The following PODNL1 variants were observed in gnomAD, a reference collection of about 807,000 sequenced individuals.
The protein encoded by PODNL1 is podocan-like protein 1.
Under a neutral mutation model 45.1 loss-of-function variants are expected in PODNL1, and 50 were observed. The observed-to-expected ratio is 1.11, with a 90% CI of 0.88 to 1.40. PODNL1 has a LOEUF of 1.40. Ranked by LOEUF, PODNL1 falls within the 40% of genes most tolerant of loss-of-function variation. The pLI, the probability that PODNL1 is intolerant of heterozygous loss-of-function variation, is 0.00. For synonymous variants in PODNL1, 406 were observed against 372.5 expected, an observed-to-expected ratio of 1.09 and a Z score of -1.04; for missense variants, 788 against 793.3, an observed-to-expected ratio of 0.99 and a Z score of 0.08.
chr19:13,934,362 G>T lies in PODNL1; in HGVS notation c.543C>A (p.Pro181=). 2 of 1,553,358 alleles carry T rather than the reference G, an allele frequency of 1.3e-6. No individual in the cohort carries two copies. Among genetic ancestry groups the T allele is most frequent in the Middle Eastern group, 4.1e-4 (2 of 4,888 alleles). ...NNQLSNAGLP[P]DAFRGSEAIA... is the part of the protein sequence containing the mutation. ...TGGCCTCGGAGCCGCGGAAGGCGTCGGGGGGCAGGCCAGCGTTGCTCAGCT... is the reference window on the plus strand; with the variant it reads ...TGGCCTCGGAGCCGCGGAAGGCGTCTGGGGGCAGGCCAGCGTTGCTCAGCT... The change falls in exon 6 of 10, where the codon CCC becomes CCA. Residue 181 remains proline, a synonymous_variant. Coordinates refer to ENST00000588872, the MANE Select transcript of PODNL1 (RefSeq NM_001370095.3).
Position 13,937,959 on chromosome 19 carries a change from G to T in PODNL1, c.51C>A (p.Val17=). ...GGAAGGCAGCGTCTTCCAAGCCGGCGACGGGCGGGGGCCCCGGCAACAGCA... is the reference window on the plus strand; with the variant it reads ...GGAAGGCAGCGTCTTCCAAGCCGGCTACGGGCGGGGGCCCCGGCAACAGCA... ...LLLLLPGPPP[V]AGLEDAAFPH... The change falls in exon 2 of 10, where the codon GTC becomes GTA. Residue 17 remains valine (V), a synonymous_variant. Coordinates refer to ENST00000588872, the MANE Select transcript of PODNL1 (RefSeq NM_001370095.3). 4 of 1,542,274 alleles carry T rather than the reference G, an allele frequency of 2.6e-6. No homozygotes were observed. Among genetic ancestry groups the T allele is most frequent in the African/African-American group, 1.4e-5 (1 of 73,122 alleles).
At chr19:13,936,150 G>A (rs747284374) in intron 3 of PODNL1, 106 bp from the exon 4 acceptor site, 116 of 1,082,210 alleles carry the variant, frequency 1.1e-4, no homozygotes, top group Middle Eastern at 3.0e-4. Flanking sequence ...ACTGGCAGAG[G>A]CTCCCCAGGC....
chr19:13,939,823 C>T (rs541213106), upstream of PODNL1: 1 of 151,936 alleles, frequency 6.6e-6, no homozygotes, highest in African/African-American at 2.4e-5. Flanking sequence ...AAGTGGAGAT[C>T]ACATCACTGC....
upstream of PODNL1, among the ~76,000 whole-genome samples, chr19:13,941,187 G>A (rs1479222858): frequency 6.6e-6 from 1 of 151,994 alleles, no homozygotes; most frequent in East Asian, 1.9e-4. Context: ...CCAACATGGT[G>A]AAACCCAGTC....
intron 1 of PODNL1, among the ~76,000 whole-genome samples, chr19:13,951,454 G>C (rs1038605369): frequency 2.6e-5 from 4 of 151,934 alleles, no homozygotes; most frequent in African/African-American, 9.7e-5. Flanking sequence ...TGGACAACTT[G>C]GTGAAACTCC....
At chr19:13,945,539 T>G (rs1407078130) in intron 1 of PODNL1, among the ~76,000 whole-genome samples, 1 of 151,088 alleles carries the variant, frequency 6.6e-6, no homozygotes, top group African/African-American at 2.4e-5. Context: ...CAGGCTGGAG[T>G]GCAGTGGCAT....
At chr19:13,939,210 CTT>C (rs1972564243), upstream of PODNL1, among the ~76,000 whole-genome samples, 1 of 152,082 alleles carries the variant, frequency 6.6e-6, no homozygotes, top group African/African-American at 2.4e-5. Context: ...GAGGATCTCT[CTT>C]TTGTTTTTTG....
upstream of PODNL1, among the ~76,000 whole-genome samples, chr19:13,940,933 C>G (rs568184202): frequency 1.6e-4 from 24 of 152,182 alleles, no homozygotes; most frequent in East Asian, 4.6e-3. Context: ...GTAGTCCCAG[C>G]TACCAGGGAG....
intron 1 of PODNL1, among the ~76,000 whole-genome samples, chr19:13,949,052 C>T (rs1216330681): frequency 1.3e-5 from 2 of 151,332 alleles, no homozygotes; most frequent in East Asian, 2.0e-4. Flanking sequence ...CTCTGCCTCC[C>T]GGGTTCAAGC....
rs745915237 is a variant in PODNL1, at chr19:13,938,164, C to T, written c.3+15G>A. ...GGCAGGCCCCACCCTCAGACCCTCC[C>T]GTGCCCCACCTTACCATGGCCAGCC... is the stretch of plus-strand genomic sequence containing the variant. On this transcript the variant is annotated intron_variant, in intron 1 of 9. Coordinates refer to ENST00000588872, the MANE Select transcript of PODNL1 (RefSeq NM_001370095.3). The T allele has an allele frequency of 3.1e-6, 5 of 1,600,842 alleles. No individual in the cohort carries two copies. Among genetic ancestry groups the T allele is most frequent in the Admixed American group, 1.7e-5 (1 of 58,820 alleles).
At chr19:13,936,071 G>A in intron 3 of PODNL1, 27 bp from the exon 4 acceptor site, 2 of 1,540,544 alleles carry the variant, frequency 1.3e-6, no homozygotes, top group Non-Finnish European at 1.8e-6. Flanking sequence ...GCAGTGAAGG[G>A]ACCCCAGGCC....
chr19:13,937,817 T>A lies in PODNL1; in HGVS notation c.193A>T (p.Ile65Phe). 3.8e-6 allele frequency: 6 copies of A among 1,594,278 alleles called. No individual in the cohort carries two copies. The highest frequency in any genetic ancestry group is 5.1e-6 in the Non-Finnish European group (6 of 1,171,962). ...GLDLRVFPDN[I>F]TRAAQHLSLQ... ...GAGAGGTGCTGAGCGGCTCTGGTGATGTTGTCCGGGAACACTCGAAGGTCC... is the reference window on the plus strand; with the variant it reads ...GAGAGGTGCTGAGCGGCTCTGGTGAAGTTGTCCGGGAACACTCGAAGGTCC... The change falls in exon 2 of 10, where the codon ATC becomes TTC. Residue 65 changes from isoleucine to phenylalanine, a missense_variant. This residue lies in a region of PODNL1 where 762 missense variants were observed against 750.9 expected (regional missense o/e 1.01). Coordinates refer to ENST00000588872, the MANE Select transcript of PODNL1 (RefSeq NM_001370095.3).
At chr19:13,938,702 G>A (rs2145444969), upstream of PODNL1, among the ~76,000 whole-genome samples, 1 of 152,232 alleles carries the variant, frequency 6.6e-6, no homozygotes, top group South Asian at 2.1e-4. Context: ...CAGGTCTGCT[G>A]CCCGGCACCC....
intron 5 of PODNL1, among the ~76,000 whole-genome samples, chr19:13,935,357 C>T (rs1376604120): frequency 6.6e-6 from 1 of 152,138 alleles, no homozygotes; most frequent in Non-Finnish European, 1.5e-5. Context: ...GACAGAGTCT[C>T]ACTCTGTCGC....
At chr19:13,935,241 C>A (rs1341810145) in intron 5 of PODNL1, among the ~76,000 whole-genome samples, 1 of 152,130 alleles carries the variant, frequency 6.6e-6, no homozygotes, top group Non-Finnish European at 1.5e-5. Context: ...ACTCTCCTCC[C>A]AGGGTAGAAC....
Position 13,932,023 on chromosome 19 carries a change from G to A in PODNL1, c.1515C>T (p.Ile505=), listed in dbSNP as rs1004485509. ...GGAAGGCCTCGGGGCCCACGTGGCCGATGCGGTTGCCCTCGAGGTGCAGCT... is the reference window on the plus strand; with the variant it reads ...GGAAGGCCTCGGGGCCCACGTGGCCAATGCGGTTGCCCTCGAGGTGCAGCT... The part of the protein sequence containing the change: ...LEELHLEGNR[I]GHVGPEAFLS... Residue 505 remains isoleucine, a synonymous_variant, in exon 9 of 10, where the codon ATC becomes ATT. Transcript: ENST00000588872. 1.1e-5 allele frequency: 14 copies of A among 1,232,384 alleles called. No individual in the cohort carries two copies. Among genetic ancestry groups the A allele is most frequent in the African/African-American group, 9.3e-5 (6 of 64,556 alleles). The allele number at this position is 1,232,384 out of a possible 1,614,324, so 76.3% of individuals were successfully genotyped here. A position where few individuals can be genotyped will look rare whatever the true frequency, so the allele number is the denominator to read the frequency against.
upstream of PODNL1, among the ~76,000 whole-genome samples, chr19:13,939,209 T>C (rs1441369223): frequency 6.6e-6 from 1 of 152,114 alleles, no homozygotes; most frequent in Non-Finnish European, 1.5e-5. Context: ...GGAGGATCTC[T>C]CTTTTGTTTT....
chr19:13,939,744 G>T (rs1220893250), upstream of PODNL1, among the ~76,000 whole-genome samples: 1 of 151,998 alleles, frequency 6.6e-6, no homozygotes, highest in African/African-American at 2.4e-5. Flanking sequence ...AATTAGCTGG[G>T]CATGATGGCA....
At chr19:13,950,419 C>T (rs1972959435) in intron 1 of PODNL1, among the ~76,000 whole-genome samples, 1 of 152,150 alleles carries the variant, frequency 6.6e-6, no homozygotes, top group East Asian at 1.9e-4. Context: ...ATCCTCCCTC[C>T]TCTGCTTCCC....
Sources: gnomAD v4.1 joint callset for allele counts (sites outside exome capture counted in the v4.1 genomes callset) on GRCh38, gnomAD v4.1.1 for gene constraint, gnomAD v4.1.1 regional missense constraint, MANE v1.5 for transcripts, NCBI Gene and HGNC (gene_info 2026-07-23, HGNC 2026-07-21) for gene names.